PAK3: variants seen among roughly 807,000 people sequenced by gnomAD.
PAK3 encodes the protein p21 (RAC1) activated kinase 3, also known as serine/threonine-protein kinase PAK 3.
A neutral mutation model predicts 41.0 loss-of-function variants in PAK3; 4 were observed. The observed-to-expected ratio is 0.10, with a 90% CI of 0.05 to 0.22. PAK3 has a LOEUF of 0.22. Among genes scored for constraint, PAK3 ranks in the 10% least tolerant of loss-of-function variants. The pLI is 1.00. For missense variants in PAK3, 205 were observed against 409.9 expected (o/e 0.50, Z 4.32); for synonymous variants, 146 against 139.6 (o/e 1.05, Z -0.32).
intron 11 of PAK3, among the ~76,000 whole-genome samples, chrX:111,190,881 T>C (rs1380565158): frequency 7.1e-5 from 8 of 112,534 alleles, no homozygotes; most frequent in African/African-American, 2.6e-4. Flanking sequence ...ATCTCTATTC[T>C]AACTCCTTTA....
At chrX:110,996,671 C>T (rs1448554490) in intron 1 of PAK3, among the ~76,000 whole-genome samples, 1 of 111,323 alleles carries the variant, frequency 9.0e-6, no homozygotes, top group Admixed American at 9.6e-5. Flanking sequence ...CCCCACCACC[C>T]CACCACCCAA....
chrX:111,073,408 T>C (rs1444243113), intron 1 of PAK3, among the ~76,000 whole-genome samples: 1 of 111,323 alleles, frequency 9.0e-6, no homozygotes, highest in Non-Finnish European at 1.9e-5. Context: ...GAATAGAAAG[T>C]CAGTAGAAAA....
intron 1 of PAK3, among the ~76,000 whole-genome samples, chrX:110,989,164 G>C (rs1030181051): frequency 9.0e-6 from 1 of 111,421 alleles, no homozygotes; most frequent in East Asian, 2.8e-4. Flanking sequence ...GTTCATTATG[G>C]TCCTGTGGGA....
chrX:111,081,126 A>T (rs942347902), intron 1 of PAK3, among the ~76,000 whole-genome samples: 2 of 111,932 alleles, frequency 1.8e-5, no homozygotes, highest in African/African-American at 6.5e-5. Context: ...AGTTTCAGTT[A>T]GATAGGAGAA....
In PAK3 at chrX:111,170,415, A is replaced by G. The variant is rs1377037616; in HGVS notation, c.767-2603A>G. ...AATCTATGAGTGAAATGTTTAACTG[A>G]TTATTTTTCTCAAGGTATACTATCT... is the stretch of plus-strand genomic sequence containing the variant. On this transcript the variant is annotated intron_variant, in intron 10 of 17. Coordinates refer to ENST00000372007, the MANE Select transcript of PAK3 (RefSeq NM_002578.5). Among the ~76,000 whole-genome samples the G allele has an allele frequency of 2.7e-5, 3 of 111,049 alleles. No homozygotes were observed. In the Admixed American group the frequency reaches 2.9e-4, roughly 11 times the overall value.
upstream of PAK3, among the ~76,000 whole-genome samples, chrX:111,093,592 T>C (rs1198115685): frequency 8.9e-6 from 1 of 112,208 alleles, no homozygotes; most frequent in Non-Finnish European, 1.9e-5. Context: ...AAGACTGCTT[T>C]CTCGTATCAA....
At chrX:111,060,542 AC>A (rs1238355759) in intron 1 of PAK3, among the ~76,000 whole-genome samples, 1 of 110,812 alleles carries the variant, frequency 9.0e-6, no homozygotes, top group Admixed American at 9.6e-5. Flanking sequence ...ACCAGTGAAG[AC>A]TTCTTGTCCT....
rs182649167 is a variant in PAK3 at position 110,991,388 on chromosome X, G to A, written c.-28+46760G>A. Among the ~76,000 whole-genome samples the A allele has an allele frequency of 2.1e-3, 233 of 111,392 alleles. 2 individuals carry two copies. Among genetic ancestry groups the A allele is most frequent in the Non-Finnish European group, 3.8e-3 (200 of 53,065 alleles). ...AGTTTTCATCTTATACTGAAGTTAGGGGACAATAACATGGGCTTTGGAATC... is the reference window on the plus strand; with the variant it reads ...AGTTTTCATCTTATACTGAAGTTAGAGGACAATAACATGGGCTTTGGAATC... On this transcript the variant is annotated intron_variant, in intron 1 of 14. Transcript: ENST00000425146.
At chrX:110,958,486 A>G (rs1382485835) in intron 1 of PAK3, among the ~76,000 whole-genome samples, 1 of 111,718 alleles carries the variant, frequency 9.0e-6, no homozygotes, top group Admixed American at 9.5e-5. Context: ...GACAGTGGCC[A>G]TGAAGAGGAG....
At chrX:110,962,977 G>T (rs1457808290) in intron 1 of PAK3, among the ~76,000 whole-genome samples, 1 of 111,473 alleles carries the variant, frequency 9.0e-6, no homozygotes, top group Non-Finnish European at 1.9e-5. Context: ...GACCTTTTGT[G>T]TGTTGTAAGG....
rs60724970 is a variant in PAK3 at position 110,969,094 on chromosome X, A to ATTTTTTTTTTT, written c.-28+24481_-28+24491dup. On this transcript the variant is annotated intron_variant, in intron 1 of 14. Transcript: ENST00000425146. ...AGGCATGTGCTACCAGACCTGCCTA[A>ATTTTTTTTTTT]TTTTTTTTTTTTTTTTTTTTTTTTT... Among the ~76,000 whole-genome samples the ATTTTTTTTTTT allele has an allele frequency of 1.2e-3, 50 of 40,605 alleles. 1 individual carries two copies. The highest frequency in any genetic ancestry group is 3.2e-3 in the East Asian group (3 of 938). The allele number at this position is 40,605 out of a possible 115,157, so 35.3% of individuals were successfully genotyped here.
At chrX:111,024,529 A>T (rs1189638240) in intron 1 of PAK3, among the ~76,000 whole-genome samples, 2 of 111,295 alleles carry the variant, frequency 1.8e-5, no homozygotes, top group Non-Finnish European at 3.8e-5. Context: ...AACAAACTTT[A>T]AAGCAAAGCA....
At chrX:111,053,131 G>C (rs1603025753) in intron 1 of PAK3, among the ~76,000 whole-genome samples, 1 of 111,608 alleles carries the variant, frequency 9.0e-6, no homozygotes, top group East Asian at 2.8e-4. Context: ...AGGCCTTCTT[G>C]TATTTTTTCT....
chrX:111,218,290 G>T (rs759072046), intron 17 of PAK3, among the ~76,000 whole-genome samples: 75 of 112,153 alleles, frequency 6.7e-4, no homozygotes, highest in African/African-American at 2.4e-3. Context: ...TAAGTGCAGT[G>T]GGTGATACAA....
chrX:111,035,901 C>T (rs1340500330), intron 1 of PAK3, among the ~76,000 whole-genome samples: 5 of 112,389 alleles, frequency 4.4e-5, no homozygotes, highest in Admixed American at 9.4e-5. Context: ...ATGGATAACA[C>T]TAGCCCCAAT....
chrX:111,183,881 T>G (rs1479710292), intron 11 of PAK3, among the ~76,000 whole-genome samples: 1 of 111,760 alleles, frequency 8.9e-6, no homozygotes, highest in Non-Finnish European at 1.9e-5. Flanking sequence ...AGAACCCAGA[T>G]GTACTTATCG....
intron 1 of PAK3, among the ~76,000 whole-genome samples, chrX:110,998,388 C>T (rs895385168): frequency 1.8e-5 from 2 of 112,200 alleles, no homozygotes; most frequent in Non-Finnish European, 3.8e-5. Context: ...ATGTCAAGCA[C>T]TGCAGATAGC....
chrX:111,026,242 A>G, intron 1 of PAK3, among the ~76,000 whole-genome samples: 1 of 111,752 alleles, frequency 8.9e-6, no homozygotes, highest in Non-Finnish European at 1.9e-5. Flanking sequence ...TGATAACTGG[A>G]ACAAGATAAG....
At chrX:111,043,725 T>A (rs758275127) in intron 1 of PAK3, among the ~76,000 whole-genome samples, 48 of 112,046 alleles carry the variant, frequency 4.3e-4, no homozygotes, top group Non-Finnish European at 8.5e-4. Context: ...ATAAATGCAA[T>A]CTGCTGCTCC....
Sources: gnomAD v4.1 joint callset for allele counts (sites outside exome capture counted in the v4.1 genomes callset) on GRCh38, gnomAD v4.1.1 for gene constraint, MANE v1.5 for transcripts, NCBI Gene and HGNC (gene_info 2026-07-23, HGNC 2026-07-21) for gene names.